Variants in PSMG2 observed in about 807,000 individuals in gnomAD.
The protein encoded by PSMG2 is CD40 ligand-activated specific transcript 3.
Under a neutral mutation model 31.5 loss-of-function variants are expected in PSMG2, and 21 were observed. That is an observed-to-expected ratio of 0.67 (90% CI 0.47 to 0.96). The LOEUF is 0.96. Ranked by LOEUF, PSMG2 falls within the 40% of genes least tolerant of loss-of-function variation. The pLI is 0.00. For missense variants in PSMG2, 318 were observed against 321.2 expected (o/e 0.99, Z 0.08); for synonymous variants, 120 against 110.4 (o/e 1.09, Z -0.54).
At chr18:12,718,169 C>T (rs2145147948) in intron 3 of PSMG2, among the ~76,000 whole-genome samples, 1 of 151,954 alleles carries the variant, frequency 6.6e-6, no homozygotes, top group Non-Finnish European at 1.5e-5. Flanking sequence ...CCACCATGCC[C>T]CGCTGATTTT....
At chr18:12,697,138 A>G (rs2039984864) in intron 1 of PSMG2, 1 of 1,019,398 alleles carries the variant, frequency 9.8e-7, no homozygotes, top group African/African-American at 1.6e-5. Context: ...CTCTTGGATT[A>G]TAAAAGCATT....
At chr18:12,669,460 C>A (rs1206455797) in intron 1 of PSMG2, among the ~76,000 whole-genome samples, 1 of 151,880 alleles carries the variant, frequency 6.6e-6, no homozygotes, top group Non-Finnish European at 1.5e-5. Flanking sequence ...GTTGACCAGG[C>A]TGTGCTCAAA....
intron 1 of PSMG2, among the ~76,000 whole-genome samples, chr18:12,667,586 C>A (rs1484915787): frequency 6.6e-6 from 1 of 150,982 alleles, no homozygotes; most frequent in Non-Finnish European, 1.5e-5. Flanking sequence ...ATGGTGAAAC[C>A]CCCGTCTCTA....
chr18:12,699,829 CT>C (rs747064410), upstream of PSMG2: 174 of 1,508,648 alleles, frequency 1.2e-4, no homozygotes, highest in Admixed American at 2.8e-4. Context: ...AATATACATA[CT>C]TTTTTTTAAT....
At chr18:12,693,466 A>C (rs2039839221) in intron 1 of PSMG2, among the ~76,000 whole-genome samples, 1 of 152,060 alleles carries the variant, frequency 6.6e-6, no homozygotes, top group Non-Finnish European at 1.5e-5. Flanking sequence ...TACCCCAAAA[A>C]AGTAGAGCCC....
upstream of PSMG2, chr18:12,702,362 G>A (rs771731400): frequency 2.8e-6 from 2 of 720,028 alleles, no homozygotes; most frequent in Non-Finnish European, 4.8e-6. Context: ...ACTCTGCGTT[G>A]CGCACCCCAC....
intron 1 of PSMG2, chr18:12,697,312 G>A (rs2039990606): frequency 6.2e-7 from 1 of 1,613,862 alleles, no homozygotes; most frequent in African/African-American, 1.3e-5. Context: ...TGCTACTAAA[G>A]TCGTCTCACC....
chr18:12,701,115 T>A, upstream of PSMG2: 2 of 1,605,828 alleles, frequency 1.2e-6, no homozygotes, highest in Non-Finnish European at 1.7e-6. Flanking sequence ...GACATCCATC[T>A]ATGTAGAAAA....
intron 2 of PSMG2, among the ~76,000 whole-genome samples, chr18:12,709,539 C>T (rs1423323976): frequency 6.6e-6 from 1 of 151,250 alleles, no homozygotes; most frequent in African/African-American, 2.4e-5. Flanking sequence ...GCTCTTGTTG[C>T]CCAGGCTGTA....
intron 1 of PSMG2, among the ~76,000 whole-genome samples, chr18:12,688,228 CAA>C (rs11337170): frequency 1.1e-3 from 104 of 94,000 alleles, no homozygotes; most frequent in African/African-American, 2.7e-3. Flanking sequence ...GACTCCATCT[CAA>C]AAAAAAAAAA....
intron 4 of PSMG2, among the ~76,000 whole-genome samples, chr18:12,719,342 G>A (rs1262383133): frequency 6.6e-6 from 1 of 152,146 alleles, no homozygotes; most frequent in Non-Finnish European, 1.5e-5. Context: ...ACCACATAAA[G>A]TTGATAACAT....
intron 1 of PSMG2, among the ~76,000 whole-genome samples, chr18:12,681,421 A>AT (rs1363601529): frequency 3.3e-5 from 5 of 151,360 alleles, no homozygotes; most frequent in Admixed American, 2.6e-4. Context: ...TAATTTTAAA[A>AT]TTTTTTTTGT....
intron 1 of PSMG2, among the ~76,000 whole-genome samples, chr18:12,676,673 A>G (rs767491610): frequency 3.9e-5 from 6 of 152,212 alleles, no homozygotes; most frequent in Non-Finnish European, 5.9e-5. Context: ...AAAAAGTAAT[A>G]AGGGGCATTC....
chr18:12,678,392 G>C, intron 1 of PSMG2: 2 of 1,613,986 alleles, frequency 1.2e-6, no homozygotes, highest in Non-Finnish European at 1.7e-6. Context: ...CAGTGGTTTG[G>C]GCTGTTCAGC....
At chr18:12,675,377 C>T (rs909521043) in intron 1 of PSMG2, among the ~76,000 whole-genome samples, 9 of 151,846 alleles carry the variant, frequency 5.9e-5, no homozygotes, top group Admixed American at 1.3e-4. Flanking sequence ...GCCTGGGCAA[C>T]AGAGCGAGAC....
rs138490935 is a variant in PSMG2, at chr18:12,680,519, C to G, written c.-37+21746C>G. 3.3e-3 allele frequency: 1,675 copies of G among 510,536 alleles called. 36 individuals are homozygous for G. Among genetic ancestry groups the G allele is most frequent in the African/African-American group, 0.032 (1,565 of 49,102 alleles). 31.6% of individuals were successfully genotyped at this position (510,536 alleles called of 1,614,324 possible). ...GCTGAGACAGGAGAATCGGCTTGAA[C>G]CTGGGAGGTGGAGGTTGCAGTGAGC... On this transcript the variant is annotated intron_variant, in intron 1 of 6. Coordinates refer to the PSMG2 transcript ENST00000585331.
At chr18:12,686,565 ACCTTGTAT>A (rs2039547153) in intron 1 of PSMG2, 1 of 750,308 alleles carries the variant, frequency 1.3e-6, no homozygotes, top group African/African-American at 1.8e-5. Flanking sequence ...TCGAGTGCTT[ACCTTGTAT>A]CCAGTATTTG....
upstream of PSMG2, chr18:12,699,251 A>C (rs369145302): frequency 9.0e-5 from 115 of 1,282,452 alleles, no homozygotes; most frequent in Middle Eastern, 5.7e-4. Flanking sequence ...ATAACTTAAA[A>C]GAATGTGATC....
intron 1 of PSMG2, among the ~76,000 whole-genome samples, chr18:12,690,590 C>T (rs559226039): frequency 2.0e-5 from 3 of 151,974 alleles, no homozygotes; most frequent in South Asian, 2.1e-4. Context: ...CGAGTAGCTG[C>T]GACTATAGGA....
Sources: gnomAD v4.1 joint callset for allele counts (sites outside exome capture counted in the v4.1 genomes callset) on GRCh38, gnomAD v4.1.1 for gene constraint, MANE v1.5 for transcripts, NCBI Gene and HGNC (gene_info 2026-07-23, HGNC 2026-07-21) for gene names.